TUBGCP5: variants seen among roughly 807,000 people sequenced by gnomAD.
TUBGCP5 encodes the protein tubulin gamma complex component 5, also known as gamma-tubulin complex component 5.
In TUBGCP5, 98 loss-of-function variants were observed where a neutral mutation model predicts 134.7. That is an observed-to-expected ratio of 0.73 (90% confidence interval 0.62 to 0.86). The LOEUF (loss-of-function observed/expected upper bound fraction) is 0.86, where lower values mean the gene tolerates loss of function less well. Ranked by LOEUF, TUBGCP5 falls within the 40% of genes least tolerant of loss-of-function variation. TUBGCP5 has a pLI of 0.00. For missense variants in TUBGCP5, 1,150 were observed against 1,244.8 expected (o/e 0.92, Z 1.15); for synonymous variants, 456 against 431.4 (o/e 1.06, Z -0.71).
At chr15:22,998,207 C>G (rs906034945), downstream of TUBGCP5, among the ~76,000 whole-genome samples, 1 of 151,912 alleles carries the variant, frequency 6.6e-6, no homozygotes, top group Non-Finnish European at 1.5e-5. Flanking sequence ...CCCAGCTACT[C>G]GGGAGGCTGA....
intron 6 of TUBGCP5, among the ~76,000 whole-genome samples, chr15:23,027,573 A>G (rs960325036): frequency 6.6e-6 from 1 of 150,610 alleles, no homozygotes; most frequent in Non-Finnish European, 1.5e-5. Context: ...GCAACAAAGT[A>G]TGACCCCCCA....
chr15:23,019,235 C>T lies in TUBGCP5; in HGVS notation c.1471G>A (p.Glu491Lys). The T allele has an allele frequency of 1.2e-6, 2 of 1,613,560 alleles. No individual in the cohort carries two copies. Among genetic ancestry groups the T allele is most frequent in the Non-Finnish European group, 1.7e-6 (2 of 1,179,680 alleles). The change falls in exon 12 of 23, where the codon GAG becomes AAG. Residue 491 changes from glutamate (E) to lysine (K), a missense_variant. Physicochemically the swap from Glu to Lys is moderately conservative, Grantham distance 56. Coordinates refer to ENST00000615383, the MANE Select transcript of TUBGCP5 (RefSeq NM_052903.6). ...GCAGCTCACCTCTGGATGATGAACT[C>T]CCTGGCGCCATCCCACAGGTGCCCG... ...VHGHLWDGAR[E>K]FIIQRNKNVP...
rs975528351 is a variant in TUBGCP5 at position 23,039,321 on chromosome 15, C to G, written c.146+77G>C. Reference sequence around the variant, plus strand: ...CCCCATGCCCTGCCCCAGCGCGCCCCGACCCCGGGCTGTGCGGGACCCACG... The same window carrying G: ...CCCCATGCCCTGCCCCAGCGCGCCCGGACCCCGGGCTGTGCGGGACCCACG... On this transcript the variant is annotated intron_variant, in intron 1 of 22. Transcript: ENST00000615383. 8 of 1,233,488 alleles carry G rather than the reference C, an allele frequency of 6.5e-6. No homozygotes were observed. In the African/African-American group the frequency reaches 1.3e-4, roughly 19 times the overall value. The allele number at this position is 1,233,488 out of a possible 1,614,324, so 76.4% of individuals were successfully genotyped here.
chr15:23,005,705 C>T, intron 18 of TUBGCP5, 95 bp from the exon 19 acceptor site: 1 of 1,320,030 alleles, frequency 7.6e-7, no homozygotes, highest in East Asian at 2.4e-5. Context: ...CGGATGTGGT[C>T]CTGGCACCAC....
At position 22,999,297 on chromosome 15, in the gene TUBGCP5, G is replaced by A. The variant is rs1224885980; in HGVS notation, c.*523C>T. On this transcript the variant is annotated 3_prime_UTR_variant, in exon 23 of 23. Coordinates refer to ENST00000615383, the MANE Select transcript of TUBGCP5 (RefSeq NM_052903.6). ...ACAGTAGGAAATGTAAGAGTAAACA[G>A]CCTATATACACTTTGTACTACTGAC... The A allele has an allele frequency of 6.5e-6, 1 of 154,126 alleles. No individual in the cohort carries two copies. Among genetic ancestry groups the A allele is most frequent in the African/African-American group, 2.4e-5 (1 of 41,454 alleles). 9.5% of individuals were successfully genotyped at this position (154,126 alleles called of 1,614,324 possible). A position where few individuals can be genotyped will look rare whatever the true frequency, so the allele number is the denominator to read the frequency against.
intron 13 of TUBGCP5, among the ~76,000 whole-genome samples, chr15:23,011,786 C>T (rs967114435): frequency 6.9e-6 from 1 of 145,792 alleles, no homozygotes; most frequent in Non-Finnish European, 1.5e-5. Context: ...GCTGGGATTA[C>T]AGGCGTGAGC....
chr15:23,015,429 G>A (rs979677049), intron 13 of TUBGCP5, among the ~76,000 whole-genome samples: 7 of 150,434 alleles, frequency 4.7e-5, no homozygotes, highest in African/African-American at 1.5e-4. Context: ...ATTGCTTGAG[G>A]CTAGGAGTTT....
chr15:23,016,969 G>GATATGTATGTATATATAT (rs1555439436), intron 13 of TUBGCP5, among the ~76,000 whole-genome samples: 1 of 109,396 alleles, frequency 9.1e-6, no homozygotes, highest in African/African-American at 3.6e-5. Flanking sequence ...AAAATTGTGA[G>GATATGTATGTATATATAT]ATATATATAT....
downstream of TUBGCP5, among the ~76,000 whole-genome samples, chr15:22,995,574 C>A (rs958100544): frequency 1.3e-3 from 159 of 121,424 alleles, no homozygotes; most frequent in Admixed American, 1.9e-3. Flanking sequence ...GGCTCCGTCT[C>A]AAAAAAAAAA....
chr15:23,037,182 C>T, intron 1 of TUBGCP5, 30 bp from the exon 2 acceptor site: 1 of 1,607,710 alleles, frequency 6.2e-7, no homozygotes, highest in South Asian at 1.1e-5. Flanking sequence ...ATTCTTATGC[C>T]AACTCTGTCA....
At chr15:23,025,005 GATT>G (rs1171906491) in intron 8 of TUBGCP5, among the ~76,000 whole-genome samples, 175 bp from the exon 9 acceptor site, 1 of 151,874 alleles carries the variant, frequency 6.6e-6, no homozygotes, top group Non-Finnish European at 1.5e-5. Context: ...GGGTTCAAGT[GATT>G]CTGCAGCCTC....
At chr15:22,999,083 G>C (rs1486594628), downstream of TUBGCP5, 1 of 152,098 alleles carries the variant, frequency 6.6e-6, no homozygotes, top group Non-Finnish European at 1.5e-5. Flanking sequence ...TTCTAGGACA[G>C]CTACATCTAA....
At chr15:23,011,895 C>T (rs553611092) in intron 13 of TUBGCP5, among the ~76,000 whole-genome samples, 3,001 of 150,128 alleles carry the variant, frequency 0.02, 55 homozygotes, top group Non-Finnish European at 0.028. Context: ...GCGGGTGGAT[C>T]ACTTAAGCTC....
In TUBGCP5 at chr15:23,017,796, G is replaced by A; in HGVS notation, c.1733C>T (p.Thr578Ile). Residue 578 changes from threonine (T) to isoleucine (I), a missense_variant, in exon 13 of 23, where the codon ACC (threonine) becomes ATC (isoleucine). Coordinates refer to ENST00000615383, the MANE Select transcript of TUBGCP5 (RefSeq NM_052903.6). ...ACCTCTGGCTCCTGCCTGGCAGGTG[G>A]TGCTCTCCGCACACTGCAGGTTCTT... ...LLKNLQCAESTTCQAGARDAE... is the reference protein window; with the variant it reads ...LLKNLQCAESITCQAGARDAE... 6 of 1,613,720 alleles carry A rather than the reference G, an allele frequency of 3.7e-6. No individual in the cohort carries two copies. The highest frequency in any genetic ancestry group is 5.1e-6 in the Non-Finnish European group (6 of 1,179,750).
chr15:22,983,949 C>T (rs2063606568), intron 23 of TUBGCP5, among the ~76,000 whole-genome samples: 1 of 151,918 alleles, frequency 6.6e-6, no homozygotes, highest in African/African-American at 2.4e-5. Context: ...GGACAAAACC[C>T]CCTCTCTACA....
intron 23 of TUBGCP5, among the ~76,000 whole-genome samples, chr15:22,992,241 TGA>T (rs1206939143): frequency 6.6e-6 from 1 of 152,140 alleles, no homozygotes; most frequent in African/African-American, 2.4e-5. Flanking sequence ...ATCTTCATGA[TGA>T]GAGGCCCTAG....
At chr15:22,996,443 A>C (rs555497511), downstream of TUBGCP5, among the ~76,000 whole-genome samples, 15 of 152,234 alleles carry the variant, frequency 9.9e-5, no homozygotes, top group East Asian at 1.9e-3. Context: ...CCAGGAATTC[A>C]CATCAGCCGG....
rs771391148 is a variant in TUBGCP5, at chr15:23,039,382, G to C, written c.146+16C>G. ...GGGCTGTGGCCGGGAACCCGCCCGC[G>C]CGCCGTGCCCCACACCTGAAGTTGG... On this transcript the variant is annotated intron_variant, in intron 1 of 22. Transcript: ENST00000615383. The C allele has an allele frequency of 7.0e-7, 1 of 1,422,056 alleles. No homozygotes were observed. Among genetic ancestry groups the C allele is most frequent in the Non-Finnish European group, 9.3e-7 (1 of 1,075,310 alleles). The allele number at this position is 1,422,056 out of a possible 1,614,324, so 88.1% of individuals were successfully genotyped here.
chr15:23,011,043 T>A (rs2065004605), intron 14 of TUBGCP5, 90 bp downstream of exon 14: 1 of 1,372,700 alleles, frequency 7.3e-7, no homozygotes, highest in Non-Finnish European at 1.0e-6. Flanking sequence ...AGTTTTTGTT[T>A]TTAGCCCTAC....
Sources: allele counts gnomAD v4.1 joint callset (sites outside exome capture counted in the v4.1 genomes callset), GRCh38; gene constraint gnomAD v4.1.1; transcripts MANE v1.5; gene names NCBI Gene and HGNC (gene_info 2026-07-23, HGNC 2026-07-21).